Variants in MGAT5B observed in about 807,000 individuals in gnomAD.
MGAT5B encodes the protein alpha-1,6-mannosylglycoprotein 6-beta-N-acetylglucosaminyltransferase B.
A neutral mutation model predicts 95.1 loss-of-function variants in MGAT5B; 54 were observed. The ratio of observed to expected loss-of-function variants is 0.57; its 90% CI spans 0.46 to 0.71. The LOEUF is 0.71. Among genes scored for constraint, MGAT5B ranks in the 30% least tolerant of loss-of-function variants. The pLI is 0.00. For missense variants in MGAT5B, 935 were observed against 1,088.6 expected (o/e 0.86, Z 1.99); for synonymous variants, 464 against 451.0 (o/e 1.03, Z -0.36).
At position 76,869,465 on chromosome 17, in the gene MGAT5B, G is replaced by A. The variant is rs1346875197; in HGVS notation, c.68+368G>A. Among the ~76,000 whole-genome samples, 1 of 152,098 alleles carries A rather than the reference G, an allele frequency of 6.6e-6. No homozygotes were observed. The highest frequency in any genetic ancestry group is 2.4e-5 in the African/African-American group (1 of 41,418). ...CCTCACCCCGCGGACGGTCCCATCCGGGTGGCAAAGTTAGTGTGCGGCGCC... is the reference window on the plus strand; with the variant it reads ...CCTCACCCCGCGGACGGTCCCATCCAGGTGGCAAAGTTAGTGTGCGGCGCC... On this transcript the variant is annotated intron_variant, in intron 1 of 17. Coordinates refer to ENST00000569840, the MANE Select transcript of MGAT5B (RefSeq NM_001199172.2). The surrounding 1 kb of genome is among the most constrained non-coding windows in gnomAD (Gnocchi z 7.0).
intron 5 of MGAT5B, 77 bp from the exon 6 acceptor site, chr17:76,904,175 G>T (rs1968428688): frequency 1.6e-5 from 23 of 1,434,890 alleles, no homozygotes; most frequent in Non-Finnish European, 2.1e-5. Context: ...AGGACCCCTG[G>T]GGGTGCACGT....
At chr17:76,896,017 C>G (rs556830144) in intron 3 of MGAT5B, among the ~76,000 whole-genome samples, 1 of 152,054 alleles carries the variant, frequency 6.6e-6, no homozygotes, top group Non-Finnish European at 1.5e-5. Context: ...GCCTACCCCA[C>G]GGTGACAACA....
chr17:76,913,228 T>C (rs1370613126), intron 8 of MGAT5B, among the ~76,000 whole-genome samples: 1 of 151,980 alleles, frequency 6.6e-6, no homozygotes, highest in Non-Finnish European at 1.5e-5. Flanking sequence ...ATGACGAAGG[T>C]GGGGACTCCA....
At chr17:76,926,765 G>A in intron 10 of MGAT5B, 35 bp downstream of exon 10, 1 of 1,607,286 alleles carries the variant, frequency 6.2e-7, no homozygotes, top group African/African-American at 1.3e-5. Context: ...GGGGTCGGAG[G>A]TCCTCCTCAT....
chr17:76,905,138 G>A lies in MGAT5B; in HGVS notation c.691-31G>A. On this transcript the variant is annotated intron_variant, in intron 6 of 17. Coordinates refer to ENST00000569840, the MANE Select transcript of MGAT5B (RefSeq NM_001199172.2). The surrounding 1 kb of genome is among the most constrained non-coding windows in gnomAD (Gnocchi z 4.2). ...GGAATGATGGTGGCCGCAGGTTGAGGGGCAGAGAGCTGAGGTCTGGACCCC... is the reference window on the plus strand; with the variant it reads ...GGAATGATGGTGGCCGCAGGTTGAGAGGCAGAGAGCTGAGGTCTGGACCCC... 2 of 1,577,114 alleles carry A rather than the reference G, an allele frequency of 1.3e-6. No homozygotes were observed. Among genetic ancestry groups the A allele is most frequent in the Non-Finnish European group, 8.7e-7 (1 of 1,155,078 alleles).
At chr17:76,926,237 A>G (rs767162635) in intron 9 of MGAT5B, among the ~76,000 whole-genome samples, 2 of 152,102 alleles carry the variant, frequency 1.3e-5, no homozygotes, top group Admixed American at 6.5e-5. Flanking sequence ...TGCAAATTGT[A>G]TAGAGGACCC....
At position 76,891,453 on chromosome 17, in the gene MGAT5B, C is replaced by T. The variant is rs572367261; in HGVS notation, c.329+9155C>T. 6.6e-5 allele frequency among the ~76,000 whole-genome samples: 10 copies of T among 152,150 alleles called. No homozygotes were observed. In the South Asian group the frequency reaches 2.1e-3, roughly 32 times the overall value. ...GGAGTGTAGTGGTACAATCTCGGCTCACTACAACCTCCGCCTTCTGGGTTC... is the reference window on the plus strand; with the variant it reads ...GGAGTGTAGTGGTACAATCTCGGCTTACTACAACCTCCGCCTTCTGGGTTC... On this transcript the variant is annotated intron_variant, in intron 3 of 17. Coordinates refer to ENST00000569840, the MANE Select transcript of MGAT5B (RefSeq NM_001199172.2).
chr17:76,945,284 A>T (rs1005520997), intron 15 of MGAT5B, among the ~76,000 whole-genome samples: 1 of 151,862 alleles, frequency 6.6e-6, no homozygotes, highest in Non-Finnish European at 1.5e-5. Context: ...TGACTATTAG[A>T]TATTTATTTA....
Position 76,938,578 on chromosome 17 carries a change from C to T in MGAT5B, c.1584+435C>T, listed in dbSNP as rs532800509. ...AGTGACTGCTTCAGGGGTCCCTGAGCTGTACTGCTGGAGCAGCAGTTGACA... is the reference window on the plus strand; with the variant it reads ...AGTGACTGCTTCAGGGGTCCCTGAGTTGTACTGCTGGAGCAGCAGTTGACA... On this transcript the variant is annotated intron_variant, in intron 13 of 17. Transcript: ENST00000569840. This position sits in a 1 kb window ranked among gnomAD's most constrained non-coding sequence, Gnocchi z 4.3. 9.2e-5 allele frequency among the ~76,000 whole-genome samples: 14 copies of T among 152,318 alleles called. No homozygotes were observed. The highest frequency in any genetic ancestry group is 3.4e-4 in the African/African-American group (14 of 41,556).
chr17:76,939,027 G>GT (rs1969767804), intron 13 of MGAT5B, among the ~76,000 whole-genome samples: 1 of 97,236 alleles, frequency 1.0e-5, no homozygotes, highest in Non-Finnish European at 2.3e-5. Context: ...AGGCATCTTG[G>GT]GGGTGTGTGT....
At position 76,915,105 on chromosome 17, in the gene MGAT5B, C is replaced by T. The variant is rs8077349; in HGVS notation, c.1025+8918C>T. 0.06 allele frequency among the ~76,000 whole-genome samples: 9,158 copies of T among 152,208 alleles called. 376 individuals are homozygous for T. Among genetic ancestry groups the T allele is most frequent in the East Asian group, 0.11 (577 of 5,176 alleles). ...CCTTCAGCGGCCACAGTTCAGCCCA[C>T]GATCAAAGGTGTGCTTGTTTATTTT... On this transcript the variant is annotated intron_variant, in intron 8 of 17. Coordinates refer to ENST00000569840, the MANE Select transcript of MGAT5B (RefSeq NM_001199172.2). The surrounding 1 kb of genome is among the most constrained non-coding windows in gnomAD (Gnocchi z 8.7).
chr17:76,943,343 G>A (rs1178997394), intron 15 of MGAT5B, among the ~76,000 whole-genome samples: 1 of 152,080 alleles, frequency 6.6e-6, no homozygotes, highest in Non-Finnish European at 1.5e-5. Flanking sequence ...AGGCCCCTCT[G>A]CCTTCAGACC....
At chr17:76,939,148 C>A (rs1969783843) in intron 13 of MGAT5B, among the ~76,000 whole-genome samples, 3 of 151,134 alleles carry the variant, frequency 2.0e-5, no homozygotes, top group African/African-American at 7.3e-5. Flanking sequence ...GATTCAGAAT[C>A]ATTTATTAAG....
intron 15 of MGAT5B, chr17:76,944,184 G>A (rs967681583): frequency 6.6e-6 from 1 of 152,050 alleles, no homozygotes; most frequent in Non-Finnish European, 1.5e-5. Flanking sequence ...GACCTAATGG[G>A]GGTAATTTCC....
At position 76,945,036 on chromosome 17, in the gene MGAT5B, C is replaced by T. The variant is rs111784460; in HGVS notation, c.1849-1340C>T. On this transcript the variant is annotated intron_variant, in intron 15 of 17. Transcript: ENST00000569840. ...CCTAAAACAGACCTTTCTCTGAGTC[C>T]GGGATGGCTCCTTCCTGAGTCCTGA... Among the ~76,000 whole-genome samples, 833 of 152,262 alleles carry T rather than the reference C, an allele frequency of 5.5e-3. 7 individuals are homozygous for T. Among genetic ancestry groups the T allele is most frequent in the African/African-American group, 0.019 (792 of 41,544 alleles).
intron 13 of MGAT5B, among the ~76,000 whole-genome samples, chr17:76,939,269 G>T (rs2145273730): frequency 6.6e-6 from 1 of 152,108 alleles, no homozygotes; most frequent in East Asian, 1.9e-4. Flanking sequence ...GGAGGCCGAG[G>T]TGGGCGGATC....
rs113461707 is a variant in MGAT5B, at chr17:76,921,981, G to A, written c.1026-2985G>A. ...ATGGAATGATGCTTGTGTCCAAAAC[G>A]TTAGCCTTGAAGATGGCGAGGATGA... is the stretch of plus-strand genomic sequence containing the variant. On this transcript the variant is annotated intron_variant, in intron 8 of 17. Coordinates refer to ENST00000569840, the MANE Select transcript of MGAT5B (RefSeq NM_001199172.2). 2.3e-4 allele frequency among the ~76,000 whole-genome samples: 35 copies of A among 152,294 alleles called. 4 individuals are homozygous for A. The highest frequency in any genetic ancestry group is 7.7e-4 in the East Asian group (4 of 5,188).
At chr17:76,913,839 G>C (rs1434952904) in intron 8 of MGAT5B, 1 of 455,762 alleles carries the variant, frequency 2.2e-6, no homozygotes, top group South Asian at 1.6e-5. Flanking sequence ...GGCTGGGTGG[G>C]GCGGCTCACT....
At chr17:76,925,410 G>A (rs1398582479) in intron 9 of MGAT5B, among the ~76,000 whole-genome samples, 24 of 149,540 alleles carry the variant, frequency 1.6e-4, no homozygotes, top group African/African-American at 5.9e-4. Flanking sequence ...AGAGTATAAC[G>A]GAACAGGACA....
Sources: gnomAD v4.1 joint callset for allele counts (sites outside exome capture counted in the v4.1 genomes callset) on GRCh38, gnomAD v4.1.1 for gene constraint, Gnocchi (gnomAD v3.1) non-coding constraint, MANE v1.5 for transcripts, NCBI Gene and HGNC (gene_info 2026-07-23, HGNC 2026-07-21) for gene names.